CFAP47: variants seen among roughly 807,000 people sequenced by gnomAD.
The protein encoded by CFAP47 is cilia- and flagella-associated protein 47.
Under a neutral mutation model 148.1 loss-of-function variants are expected in CFAP47, and 29 were observed. The observed-to-expected ratio is 0.20, with a 90% CI of 0.15 to 0.27. The LOEUF is 0.27. Ranked by LOEUF, CFAP47 falls within the 10% of genes least tolerant of loss-of-function variation. The probability of loss-of-function intolerance (pLI) is 1.00; values close to 1 mark genes in which losing one functional copy is unlikely to be tolerated. For missense variants in CFAP47, 1,872 were observed against 1,697.5 expected, an observed-to-expected ratio of 1.10 and a Z score of -1.81; for synonymous variants, 664 against 577.3, an observed-to-expected ratio of 1.15 and a Z score of -2.15.
intron 39 of CFAP47, among the ~76,000 whole-genome samples, chrX:36,169,031 G>C (rs192606120): frequency 6.1e-4 from 68 of 111,084 alleles, no homozygotes; most frequent in Non-Finnish European, 1.0e-3. Context: ...TTGAAGGAGA[G>C]TTTTTTCTGT....
intron 29 of CFAP47, among the ~76,000 whole-genome samples, chrX:36,076,427 A>G (rs1344465127): frequency 9.8e-6 from 1 of 101,826 alleles, no homozygotes; most frequent in Admixed American, 1.1e-4. Context: ...AGTAATAGCC[A>G]TTCTGACTGG....
At chrX:36,026,717 G>A (rs1937220874) in intron 22 of CFAP47, among the ~76,000 whole-genome samples, 1 of 109,905 alleles carries the variant, frequency 9.1e-6, no homozygotes, top group South Asian at 3.8e-4. Flanking sequence ...ATATGTCAAA[G>A]GCCTTCTTCT....
intron 16 of CFAP47, among the ~76,000 whole-genome samples, chrX:35,990,703 C>T (rs1936779499): frequency 9.0e-6 from 1 of 110,726 alleles, no homozygotes; most frequent in African/African-American, 3.3e-5. Flanking sequence ...AGATCCCTTT[C>T]AGTGATTAAT....
chrX:36,300,222 A>C (rs1556007549), intron 52 of CFAP47, among the ~76,000 whole-genome samples: 1 of 111,137 alleles, frequency 9.0e-6, no homozygotes, highest in African/African-American at 3.3e-5. Flanking sequence ...TGAAGCTCAA[A>C]AAGTTAAGTG....
intron 26 of CFAP47, among the ~76,000 whole-genome samples, chrX:36,056,491 C>G (rs1205892129): frequency 8.9e-6 from 1 of 112,190 alleles, no homozygotes; most frequent in African/African-American, 3.2e-5. Flanking sequence ...AAATGGTGTA[C>G]TGACCAGCGT....
chrX:36,020,160 T>C (rs1156324436), intron 22 of CFAP47, among the ~76,000 whole-genome samples: 1 of 112,064 alleles, frequency 8.9e-6, no homozygotes, highest in African/African-American at 3.2e-5. Context: ...ATTCCTCTTA[T>C]TATTGATTTC....
At chrX:35,963,911 G>A (rs994886258) in intron 8 of CFAP47, among the ~76,000 whole-genome samples, 36 of 111,125 alleles carry the variant, frequency 3.2e-4, no homozygotes, top group Non-Finnish European at 4.0e-4. Flanking sequence ...CAAATAATAT[G>A]TGTTTATTCT....
At chrX:36,175,337 G>T (rs1939657092) in intron 39 of CFAP47, among the ~76,000 whole-genome samples, 1 of 112,390 alleles carries the variant, frequency 8.9e-6, no homozygotes, top group Non-Finnish European at 1.9e-5. Context: ...TTCCGTTGCT[G>T]TTGAGGAACT....
Position 36,243,663 on chromosome X carries a change from A to G in CFAP47, c.7332+6804A>G, listed in dbSNP as rs980570058. Reference sequence around the variant, plus strand: ...TATGTGTGTGTATATATATATATATATATATATATATATATATATATATAT... The same window carrying G: ...TATGTGTGTGTATATATATATATATGTATATATATATATATATATATATAT... On this transcript the variant is annotated intron_variant, in intron 48 of 63. Transcript: ENST00000378653. Among the ~76,000 whole-genome samples the G allele has an allele frequency of 1.7e-3, 120 of 70,600 alleles. 1 individual carries two copies. Among genetic ancestry groups the G allele is most frequent in the African/African-American group, 0.016 (111 of 6,843 alleles). 61.3% of individuals were successfully genotyped at this position (70,600 alleles called of 115,157 possible). A position where few individuals can be genotyped will look rare whatever the true frequency, so the allele number is the denominator to read the frequency against.
intron 39 of CFAP47, 113 bp downstream of exon 39, chrX:36,160,882 C>T: frequency 4.2e-6 from 1 of 235,349 alleles, no homozygotes. Flanking sequence ...GACAGTCTCG[C>T]TCTGTGGTCA....
intron 22 of CFAP47, among the ~76,000 whole-genome samples, chrX:36,025,582 C>G (rs765415569): frequency 1.9e-3 from 215 of 111,382 alleles, no homozygotes; most frequent in Non-Finnish European, 3.0e-3. Context: ...GAGCTATGAT[C>G]CTGCTACTGC....
intron 53 of CFAP47, among the ~76,000 whole-genome samples, chrX:36,302,785 C>T (rs961524859): frequency 2.1e-4 from 24 of 111,860 alleles, no homozygotes; most frequent in African/African-American, 7.8e-4. Context: ...TCAATGAAAA[C>T]TTCGTGCATT....
intron 29 of CFAP47, among the ~76,000 whole-genome samples, chrX:36,080,157 G>C (rs1937947121): frequency 1.8e-5 from 2 of 112,042 alleles, no homozygotes; most frequent in African/African-American, 6.5e-5. Flanking sequence ...AGACATTTAT[G>C]CAGCCAACAA....
At chrX:36,371,456 T>C (rs920783332) in intron 62 of CFAP47, among the ~76,000 whole-genome samples, 1 of 107,701 alleles carries the variant, frequency 9.3e-6, no homozygotes, top group Admixed American at 1.0e-4. Flanking sequence ...CTTCTGTAGA[T>C]GAGCATTTTC....
In CFAP47 at chrX:36,346,094, A is replaced by G. The variant is rs1480274319; in HGVS notation, c.8444-2035A>G. Among the ~76,000 whole-genome samples the G allele has an allele frequency of 4.5e-5, 5 of 112,084 alleles. 1 individual carries two copies. Among genetic ancestry groups the G allele is most frequent in the Non-Finnish European group, 7.5e-5 (4 of 53,252 alleles). ...TAAAGCAGTGTTACTTTAAATGTAG[A>G]CATTCATAGGCTTGGAAACCCTCAC... On this transcript the variant is annotated intron_variant, in intron 57 of 63. Transcript: ENST00000378653.
chrX:35,940,698 T>C (rs1422556798), intron 2 of CFAP47, among the ~76,000 whole-genome samples: 1 of 111,503 alleles, frequency 9.0e-6, no homozygotes. Flanking sequence ...TGGAGATTCC[T>C]AAGAAATTAT....
At chrX:36,145,394 CAATT>C in intron 36 of CFAP47, 41 bp downstream of exon 36, 1 of 293,272 alleles carries the variant, frequency 3.4e-6, no homozygotes. Flanking sequence ...AGGAGTTACA[CAATT>C]AAGAGAGGTT....
At chrX:36,113,583 T>A (rs1569262834) in intron 33 of CFAP47, among the ~76,000 whole-genome samples, 2 of 111,289 alleles carry the variant, frequency 1.8e-5, no homozygotes, top group African/African-American at 6.5e-5. Flanking sequence ...TACCTTCTTG[T>A]GAAGTACCTT....
intron 39 of CFAP47, among the ~76,000 whole-genome samples, chrX:36,171,125 C>G (rs1479674182): frequency 4.6e-5 from 5 of 109,750 alleles, no homozygotes; most frequent in Non-Finnish European, 3.8e-5. Context: ...ATGTCCTTTG[C>G]CCACTTTTTG....
Sources: allele counts gnomAD v4.1 joint callset (sites outside exome capture counted in the v4.1 genomes callset), GRCh38; gene constraint gnomAD v4.1.1; transcripts MANE v1.5; gene names NCBI Gene and HGNC (gene_info 2026-07-23, HGNC 2026-07-21).